The following EDA variants were observed in gnomAD, a reference collection of about 807,000 sequenced individuals.
The protein encoded by EDA is ectodysplasin A.
Under a neutral mutation model 23.6 loss-of-function variants are expected in EDA, and 2 were observed. The observed-to-expected ratio is 0.08, with a 90% confidence interval of 0.03 to 0.27. The LOEUF (loss-of-function observed/expected upper bound fraction) is 0.27, where lower values mean the gene tolerates loss of function less well. Ranked by LOEUF, EDA falls within the 10% of genes least tolerant of loss-of-function variation. The pLI is 1.00. For synonymous variants in EDA, 131 were observed against 132.0 expected (o/e 0.99, Z 0.05); for missense variants, 229 against 324.2 (o/e 0.71, Z 2.26).
At chrX:69,993,166 A>G (rs1370634458) in intron 2 of EDA, among the ~76,000 whole-genome samples, 3 of 110,182 alleles carry the variant, frequency 2.7e-5, no homozygotes, top group Non-Finnish European at 5.7e-5. Flanking sequence ...CCTTAATAAA[A>G]CAAAAATAAA....
At chrX:69,777,178 T>TTGTTG (rs2014812478) in intron 1 of EDA, among the ~76,000 whole-genome samples, 1 of 108,084 alleles carries the variant, frequency 9.3e-6, no homozygotes, top group Non-Finnish European at 1.9e-5. Flanking sequence ...GTTGTTGTTG[T>TTGTTG]TTGGACAGGT....
intron 1 of EDA, chrX:69,693,156 GA>G (rs1272850930): frequency 2.7e-5 from 3 of 111,277 alleles, no homozygotes; most frequent in African/African-American, 6.5e-5. Context: ...TCTGGGTGGG[GA>G]AAAATATTAA....
intron 1 of EDA, among the ~76,000 whole-genome samples, chrX:69,706,714 A>T (rs1272845155): frequency 2.7e-5 from 3 of 112,230 alleles, no homozygotes; most frequent in African/African-American, 9.7e-5. Context: ...ATCAATAGAA[A>T]GGAATGTCTA....
intron 2 of EDA, among the ~76,000 whole-genome samples, chrX:69,969,960 G>T (rs1304623319): frequency 9.0e-6 from 1 of 110,589 alleles, no homozygotes; most frequent in African/African-American, 3.3e-5. Context: ...TTTTTAATTG[G>T]CCAAGCTGGG....
intron 1 of EDA, among the ~76,000 whole-genome samples, chrX:69,775,209 C>T (rs1366212936): frequency 9.0e-6 from 1 of 111,451 alleles, no homozygotes; most frequent in African/African-American, 3.3e-5. Context: ...TGTTTGGGCT[C>T]ACTGCCCCAA....
intron 1 of EDA, among the ~76,000 whole-genome samples, chrX:69,946,610 G>A (rs2018837466): frequency 9.0e-6 from 1 of 111,448 alleles, no homozygotes; most frequent in Non-Finnish European, 1.9e-5. Flanking sequence ...CTCAGAATCA[G>A]TAGTCATCTG....
chrX:69,760,197 CAAAAAAA>C (rs1162014486), intron 1 of EDA, among the ~76,000 whole-genome samples: 3 of 46,548 alleles, frequency 6.4e-5, no homozygotes, highest in African/African-American at 2.6e-4. Flanking sequence ...CTCTTTTGTA[CAAAAAAA>C]AAAAAAAAAA....
At chrX:69,655,335 G>A (rs974800674) in intron 1 of EDA, among the ~76,000 whole-genome samples, 1 of 110,851 alleles carries the variant, frequency 9.0e-6, no homozygotes, top group African/African-American at 3.3e-5. Context: ...AGAGGTTGGC[G>A]GTGAGCCGAG....
intron 1 of EDA, among the ~76,000 whole-genome samples, chrX:69,669,212 T>C (rs1353140082): frequency 9.0e-6 from 1 of 111,592 alleles, no homozygotes; most frequent in African/African-American, 3.3e-5. Flanking sequence ...GGACCTTTTT[T>C]TTTTTTAATC....
At chrX:70,027,308 G>A (rs959520590) in intron 3 of EDA, among the ~76,000 whole-genome samples, 5 of 111,431 alleles carry the variant, frequency 4.5e-5, no homozygotes, top group African/African-American at 1.6e-4. Flanking sequence ...CTCCTGGAGG[G>A]CCACTTATTT....
rs192323003 is a variant in EDA at position 69,804,891 on chromosome X, A to G, written c.397-152136A>G. On this transcript the variant is annotated intron_variant, in intron 1 of 7. Transcript: ENST00000374552. ...CTAGAATACCCTGGAGCCATGTTAT[A>G]ACATTGTCATAGAATCTTTGTTATT... 1.8e-5 allele frequency among the ~76,000 whole-genome samples: 2 copies of G among 112,091 alleles called. 1 individual carries two copies. The highest frequency in any genetic ancestry group is 1.9e-4 in the Admixed American group (2 of 10,557).
intron 1 of EDA, among the ~76,000 whole-genome samples, chrX:69,754,150 C>G (rs895407231): frequency 3.6e-5 from 4 of 112,016 alleles, no homozygotes; most frequent in African/African-American, 1.3e-4. Flanking sequence ...AGTTGATGCA[C>G]TTTCTTCCTA....
intron 1 of EDA, among the ~76,000 whole-genome samples, chrX:69,775,532 T>C (rs2014755643): frequency 9.0e-6 from 1 of 111,723 alleles, no homozygotes; most frequent in Non-Finnish European, 1.9e-5. Context: ...TGATGTCTTC[T>C]GGAAATGTTC....
intron 1 of EDA, among the ~76,000 whole-genome samples, chrX:69,868,628 A>G (rs1390116534): frequency 8.9e-6 from 1 of 112,424 alleles, no homozygotes; most frequent in Admixed American, 9.4e-5. Context: ...GATATCTTGC[A>G]GAAGAGAAAA....
chrX:69,932,517 G>T (rs900388304), intron 1 of EDA, among the ~76,000 whole-genome samples: 17 of 111,402 alleles, frequency 1.5e-4, no homozygotes, highest in African/African-American at 4.6e-4. Context: ...TCTTTAGTTG[G>T]CTTCTTGCCA....
At chrX:69,921,003 T>C (rs1313080309) in intron 1 of EDA, among the ~76,000 whole-genome samples, 4 of 110,994 alleles carry the variant, frequency 3.6e-5, no homozygotes, top group Non-Finnish European at 5.7e-5. Context: ...GATAAAGTGA[T>C]ATTTATTTTA....
intron 2 of EDA, among the ~76,000 whole-genome samples, chrX:70,010,050 A>G (rs1370140828): frequency 8.9e-6 from 1 of 111,999 alleles, no homozygotes; most frequent in East Asian, 2.8e-4. Flanking sequence ...TGCCTTGTTC[A>G]GTGTTCCATG....
chrX:69,816,430 A>C (rs2016084175), intron 1 of EDA, among the ~76,000 whole-genome samples: 1 of 111,656 alleles, frequency 9.0e-6, no homozygotes, highest in Admixed American at 9.6e-5. Flanking sequence ...AACCCAATGC[A>C]AAGAAGCTAA....
chrX:69,821,544 A>T (rs1369389027), intron 1 of EDA, among the ~76,000 whole-genome samples: 1 of 112,466 alleles, frequency 8.9e-6, no homozygotes, highest in African/African-American at 3.2e-5. Flanking sequence ...ATAATAATTT[A>T]AAAGTACTTG....
Sources: gnomAD v4.1 joint callset for allele counts (sites outside exome capture counted in the v4.1 genomes callset) on GRCh38, gnomAD v4.1.1 for gene constraint, MANE v1.5 for transcripts, NCBI Gene and HGNC (gene_info 2026-07-23, HGNC 2026-07-21) for gene names.